Variants in CCDC15 observed in about 807,000 individuals in gnomAD.
CCDC15 encodes coiled-coil domain-containing protein 15.
Under a neutral mutation model 114.5 loss-of-function variants are expected in CCDC15, and 105 were observed. That is an observed-to-expected ratio of 0.92 (90% CI 0.78 to 1.08). The LOEUF (loss-of-function observed/expected upper bound fraction) is 1.08. CCDC15 is among the 50% of genes least tolerant of loss of function. The pLI is 0.00. For missense variants in CCDC15, 1,105 were observed against 1,093.6 expected (o/e 1.01, Z -0.15); for synonymous variants, 334 against 377.8 (o/e 0.88, Z 1.34).
chr11:124,976,393 C>T (rs535297982), intron 5 of CCDC15, among the ~76,000 whole-genome samples: 63 of 151,932 alleles, frequency 4.1e-4, no homozygotes, highest in Admixed American at 1.0e-3. Context: ...AACAAGTGGG[C>T]GTGGATATGT....
At chr11:125,038,369 A>G in intron 13 of CCDC15, 62 bp from the exon 14 acceptor site, 2 of 1,103,512 alleles carry the variant, frequency 1.8e-6, no homozygotes. Flanking sequence ...ATTTGGATAA[A>G]GAAGCTAATT....
At chr11:124,963,128 A>G (rs1947703767) in intron 4 of CCDC15, among the ~76,000 whole-genome samples, 1 of 152,214 alleles carries the variant, frequency 6.6e-6, no homozygotes, top group African/African-American at 2.4e-5. Flanking sequence ...TTATAGTAGC[A>G]TGATTTATAA....
intron 6 of CCDC15, among the ~76,000 whole-genome samples, chr11:124,981,944 G>T (rs932838444): frequency 1.3e-5 from 2 of 152,166 alleles, no homozygotes; most frequent in African/African-American, 4.8e-5. Context: ...AGGTTTCTAA[G>T]AACTTGCTTT....
chr11:124,974,839 T>C (rs908672290), intron 4 of CCDC15, among the ~76,000 whole-genome samples: 3 of 152,232 alleles, frequency 2.0e-5, no homozygotes, highest in African/African-American at 7.2e-5. Flanking sequence ...ATGCTTTATA[T>C]AAAGTATACA....
At chr11:124,995,025 A>G (rs1363229685) in intron 11 of CCDC15, among the ~76,000 whole-genome samples, 2 of 152,176 alleles carry the variant, frequency 1.3e-5, no homozygotes, top group African/African-American at 4.8e-5. Context: ...ACTGAACTGC[A>G]ACTCTTGGTG....
intron 8 of CCDC15, among the ~76,000 whole-genome samples, 161 bp downstream of exon 8, chr11:124,988,295 T>C (rs962416029): frequency 1.3e-5 from 2 of 152,238 alleles, no homozygotes; most frequent in African/African-American, 4.8e-5. Context: ...CACACAAATT[T>C]CTTGGCTTCC....
chr11:125,020,397 T>C (rs763260537), intron 13 of CCDC15, among the ~76,000 whole-genome samples: 20 of 152,000 alleles, frequency 1.3e-4, no homozygotes, highest in Non-Finnish European at 2.2e-4. Flanking sequence ...TTTGGCATTA[T>C]ATGAAAGATG....
chr11:124,969,131 T>G (rs912649464), intron 4 of CCDC15, among the ~76,000 whole-genome samples: 2 of 152,190 alleles, frequency 1.3e-5, no homozygotes, highest in African/African-American at 4.8e-5. Context: ...TTTTCAATAT[T>G]CTTCTGAAAT....
intron 4 of CCDC15, among the ~76,000 whole-genome samples, chr11:124,961,718 G>A (rs1367071754): frequency 6.6e-6 from 1 of 152,094 alleles, no homozygotes; most frequent in Non-Finnish European, 1.5e-5. Flanking sequence ...TAGAGATGGG[G>A]TTTCACCATG....
At chr11:124,970,937 T>A (rs1947867008) in intron 4 of CCDC15, among the ~76,000 whole-genome samples, 2 of 152,228 alleles carry the variant, frequency 1.3e-5, no homozygotes, top group African/African-American at 2.4e-5. Context: ...TTGTTAAAGT[T>A]ATGTTTCTGT....
chr11:124,996,223 C>T lies in CCDC15; in HGVS notation c.2214+2980C>T, dbSNP rs1948366251. 2.0e-5 allele frequency among the ~76,000 whole-genome samples: 3 copies of T among 152,166 alleles called. No individual in the cohort carries two copies. In the South Asian group the frequency reaches 6.2e-4, roughly 32 times the overall value. On this transcript the variant is annotated intron_variant, in intron 11 of 15. Coordinates refer to ENST00000344762, the MANE Select transcript of CCDC15 (RefSeq NM_025004.3). ...TTATATCACATTCATACTTAGGGTT[C>T]CCAGGGCTGCCCAGTGCCCTACCCT... is the stretch of plus-strand genomic sequence containing the variant.
intron 13 of CCDC15, among the ~76,000 whole-genome samples, chr11:125,024,302 G>T (rs1948680866): frequency 6.6e-6 from 1 of 151,912 alleles, no homozygotes; most frequent in Non-Finnish European, 1.5e-5. Flanking sequence ...GACTATTCTA[G>T]GCCCTTTGCA....
intron 8 of CCDC15, among the ~76,000 whole-genome samples, chr11:124,991,175 T>A (rs1467093773): frequency 6.6e-6 from 1 of 152,174 alleles, no homozygotes; most frequent in Admixed American, 6.5e-5. Flanking sequence ...TCCATCAGGA[T>A]CTTCTATGCA....
At chr11:125,002,611 A>G (rs1478113870) in intron 11 of CCDC15, among the ~76,000 whole-genome samples, 3 of 152,108 alleles carry the variant, frequency 2.0e-5, no homozygotes, top group Admixed American at 6.6e-5. Context: ...ATTCTTTTGC[A>G]TGTGGATAAC....
chr11:124,987,543 T>A lies in CCDC15; in HGVS notation c.1317T>A (p.Ser439Arg). The change falls in exon 8 of 16, where the codon AGT (serine) becomes AGA (arginine). Residue 439 changes from serine to arginine, a missense_variant. Ser to Arg is a moderately radical substitution (Grantham distance 110, BLOSUM62 -1). Transcript: ENST00000344762. Reference protein sequence around the residue: ...KDHCVLPKDQSILLKYQDQDF... With the variant: ...KDHCVLPKDQRILLKYQDQDF... ...ACTGTGTTCTCCCTAAAGACCAGAG[T>A]ATTCTACTCAAATATCAGGACCAGG... 2 of 1,613,952 alleles carry A rather than the reference T, an allele frequency of 1.2e-6. No individual in the cohort carries two copies. Among genetic ancestry groups the A allele is most frequent in the Non-Finnish European group, 1.7e-6 (2 of 1,179,888 alleles).
chr11:125,023,321 T>C (rs1419733213), intron 13 of CCDC15, among the ~76,000 whole-genome samples: 1 of 151,948 alleles, frequency 6.6e-6, no homozygotes, highest in Non-Finnish European at 1.5e-5. Flanking sequence ...TAAGTTGGAC[T>C]TCATCAAAAT....
At chr11:125,019,554 A>G (rs1034620790) in intron 13 of CCDC15, among the ~76,000 whole-genome samples, 1 of 151,946 alleles carries the variant, frequency 6.6e-6, no homozygotes, top group Non-Finnish European at 1.5e-5. Flanking sequence ...GAAGTTTATA[A>G]CATGGCCTGC....
chr11:124,987,690 C>G lies in CCDC15; in HGVS notation c.1464C>G (p.Pro488=). ...TATCTAGAGACCAGCATGTTCTCCC[C>G]AAAGACCAAGATATTCTGCCAAAAT... ...NFLSRDQHVL[P]KDQDILPKYQ... is the part of the protein sequence containing the mutation. Residue 488 remains proline, a synonymous_variant, in exon 8 of 16, where the codon CCC becomes CCG. Coordinates refer to ENST00000344762, the MANE Select transcript of CCDC15 (RefSeq NM_025004.3). 6.2e-7 allele frequency: 1 copy of G among 1,613,980 alleles called. No homozygotes were observed. Among genetic ancestry groups the G allele is most frequent in the Non-Finnish European group, 8.5e-7 (1 of 1,179,878 alleles).
intron 13 of CCDC15, among the ~76,000 whole-genome samples, chr11:125,011,116 T>C (rs1948588353): frequency 6.6e-6 from 1 of 151,966 alleles, no homozygotes. Context: ...CTATTTCATC[T>C]TAATGAAAAA....
Sources: gnomAD v4.1 joint callset for allele counts (sites outside exome capture counted in the v4.1 genomes callset) on GRCh38, gnomAD v4.1.1 for gene constraint, MANE v1.5 for transcripts, NCBI Gene and HGNC (gene_info 2026-07-23, HGNC 2026-07-21) for gene names.